SPAG16: variants seen among roughly 807,000 people sequenced by gnomAD.
The protein encoded by SPAG16 is sperm associated antigen 16.
SPAG16 carries 86 observed loss-of-function variants against 80.4 expected under a neutral mutation model. The observed-to-expected ratio is 1.07, with a 90% confidence interval of 0.90 to 1.28. The LOEUF (loss-of-function observed/expected upper bound fraction) is 1.28, where lower values mean the gene tolerates loss of function less well. Among genes scored for constraint, SPAG16 ranks in the 50% most tolerant of loss-of-function variants. The pLI, the probability that SPAG16 is intolerant of heterozygous loss-of-function variation, is 0.00. For missense variants in SPAG16, 870 were observed against 765.3 expected (o/e 1.14, Z -1.61); for synonymous variants, 294 against 265.9 (o/e 1.11, Z -1.03).
chr2:214,329,238 G>GA lies in SPAG16; in HGVS notation c.1721-80898dup, dbSNP rs546314600. ...ATGACAAGATGCAGCCAACACAGCAGAAAATCAAGTTCAAAACACTCAAGT... is the reference window on the plus strand; with the variant it reads ...ATGACAAGATGCAGCCAACACAGCAGAAAAATCAAGTTCAAAACACTCAAGT... On this transcript the variant is annotated intron_variant, in intron 15 of 15. Coordinates refer to ENST00000331683, the MANE Select transcript of SPAG16 (RefSeq NM_024532.5). Among the ~76,000 whole-genome samples, 31 of 152,328 alleles carry GA rather than the reference G, an allele frequency of 2.0e-4. No individual in the cohort carries two copies. In the South Asian group the frequency reaches 5.8e-3, roughly 28 times the overall value.
chr2:213,584,267 G>A (rs2060391294), intron 10 of SPAG16, among the ~76,000 whole-genome samples: 2 of 151,598 alleles, frequency 1.3e-5, no homozygotes, highest in African/African-American at 4.9e-5. Flanking sequence ...TTTTTAAAAT[G>A]TCTTGAATGA....
intron 11 of SPAG16, among the ~76,000 whole-genome samples, chr2:213,890,587 G>A (rs1298640380): frequency 6.8e-5 from 6 of 88,196 alleles, no homozygotes; most frequent in African/African-American, 1.7e-4. Flanking sequence ...AATTAAAGAT[G>A]ACTGTTATTT....
intron 1 of SPAG16, among the ~76,000 whole-genome samples, chr2:213,290,732 GATTAA>G (rs995788436): frequency 6.6e-6 from 1 of 152,180 alleles, no homozygotes; most frequent in Non-Finnish European, 1.5e-5. Context: ...TCACCTAAGA[GATTAA>G]ATTACAGATG....
intron 5 of SPAG16, among the ~76,000 whole-genome samples, chr2:213,334,604 G>A (rs369160742): frequency 6.2e-4 from 95 of 152,258 alleles, no homozygotes; most frequent in African/African-American, 2.1e-3. Context: ...GTACATATAT[G>A]TAATGGAGAA....
chr2:213,290,399 G>C (rs1164719783), intron 1 of SPAG16, among the ~76,000 whole-genome samples: 1 of 152,156 alleles, frequency 6.6e-6, no homozygotes, highest in African/African-American at 2.4e-5. Flanking sequence ...GGGGAGCCAT[G>C]GACACTACCC....
chr2:213,616,211 C>A (rs1489090390), intron 10 of SPAG16, among the ~76,000 whole-genome samples: 1 of 152,156 alleles, frequency 6.6e-6, no homozygotes, highest in East Asian at 1.9e-4. Flanking sequence ...TTCAAGATAA[C>A]AATGGAAGAT....
intron 15 of SPAG16, among the ~76,000 whole-genome samples, chr2:214,394,682 A>C (rs144950929): frequency 2.0e-5 from 3 of 152,316 alleles, no homozygotes; most frequent in African/African-American, 7.2e-5. Flanking sequence ...TGATTATCAA[A>C]ATCCCCTGCC....
intron 15 of SPAG16, among the ~76,000 whole-genome samples, chr2:214,342,944 A>AT: frequency 6.6e-6 from 1 of 152,150 alleles, no homozygotes; most frequent in Non-Finnish European, 1.5e-5. Context: ...GTAACTCTCC[A>AT]CAACCCTGAC....
chr2:213,974,376 A>C (rs1379648821), intron 12 of SPAG16, among the ~76,000 whole-genome samples: 1 of 151,982 alleles, frequency 6.6e-6, no homozygotes, highest in African/African-American at 2.4e-5. Context: ...AAATCTAGGA[A>C]CTCTTAGTTT....
intron 10 of SPAG16, among the ~76,000 whole-genome samples, chr2:213,647,455 T>C (rs1256235908): frequency 6.6e-6 from 1 of 152,192 alleles, no homozygotes; most frequent in Non-Finnish European, 1.5e-5. Context: ...TTTTGCTCAT[T>C]CTTTAAGACT....
At chr2:213,596,924 C>T (rs555577498) in intron 10 of SPAG16, among the ~76,000 whole-genome samples, 13 of 152,130 alleles carry the variant, frequency 8.5e-5, no homozygotes, top group Middle Eastern at 3.4e-3. Flanking sequence ...ATACAAACAG[C>T]TATAATTACT....
intron 9 of SPAG16, among the ~76,000 whole-genome samples, chr2:213,398,985 T>G (rs1411349025): frequency 6.6e-6 from 1 of 152,180 alleles, no homozygotes; most frequent in East Asian, 1.9e-4. Flanking sequence ...TGATCAGAAA[T>G]AGAGTGTTTC....
intron 15 of SPAG16, among the ~76,000 whole-genome samples, chr2:214,295,261 T>A (rs565123384): frequency 6.6e-6 from 1 of 152,336 alleles, no homozygotes; most frequent in South Asian, 2.1e-4. Flanking sequence ...TGAGATAACT[T>A]CTTTATCAAT....
chr2:213,356,622 A>C (rs1234875755), intron 7 of SPAG16, among the ~76,000 whole-genome samples: 1 of 151,892 alleles, frequency 6.6e-6, no homozygotes, highest in African/African-American at 2.4e-5. Flanking sequence ...TATTGCATCT[A>C]TTTGATTCTT....
chr2:214,007,137 A>G (rs2047062687), intron 12 of SPAG16, among the ~76,000 whole-genome samples: 1 of 152,008 alleles, frequency 6.6e-6, no homozygotes, highest in South Asian at 2.1e-4. Flanking sequence ...TATCATTGTA[A>G]TAACACAAAT....
At chr2:213,672,370 C>A (rs1349739262) in intron 10 of SPAG16, among the ~76,000 whole-genome samples, 1 of 151,526 alleles carries the variant, frequency 6.6e-6, no homozygotes, top group African/African-American at 2.4e-5. Flanking sequence ...CCCTTCTTTC[C>A]TTTCTTTCTT....
chr2:213,447,431 A>G (rs904799123), intron 9 of SPAG16, among the ~76,000 whole-genome samples: 2 of 152,166 alleles, frequency 1.3e-5, no homozygotes, highest in South Asian at 4.1e-4. Context: ...TGCCCCTCAC[A>G]TCCATGATTC....
At chr2:214,025,333 G>T (rs568485171) in intron 13 of SPAG16, among the ~76,000 whole-genome samples, 1 of 151,692 alleles carries the variant, frequency 6.6e-6, no homozygotes, top group Admixed American at 6.6e-5. Flanking sequence ...GCATCAGTTT[G>T]TAATTCCACA....
Position 213,435,894 on chromosome 2 carries a change from A to G in SPAG16, c.943-54069A>G, listed in dbSNP as rs376202346. 3.1e-4 allele frequency among the ~76,000 whole-genome samples: 47 copies of G among 152,284 alleles called. 1 individual carries two copies. The South Asian group carries it at 8.9e-3, about 29-fold the overall frequency. The stretch of plus-strand genomic sequence containing the variant: ...ATAATCCCGGTACTACTTGCTATCT[A>G]TATAATTTTGGACAGTTAACTTAAG... On this transcript the variant is annotated intron_variant, in intron 9 of 15. Transcript: ENST00000331683.
Sources: allele counts gnomAD v4.1 joint callset (sites outside exome capture counted in the v4.1 genomes callset), GRCh38; gene constraint gnomAD v4.1.1; transcripts MANE v1.5; gene names NCBI Gene and HGNC (gene_info 2026-07-23, HGNC 2026-07-21).